Variants in ZNF827 observed in about 807,000 individuals in gnomAD.
The protein encoded by ZNF827 is zinc finger protein 827.
ZNF827 carries 13 observed loss-of-function variants against 102.4 expected under a neutral mutation model. The ratio of observed to expected loss-of-function variants is 0.13; its 90% CI spans 0.08 to 0.20. The LOEUF is 0.20. Among genes scored for constraint, ZNF827 ranks in the 10% least tolerant of loss-of-function variants. The pLI is 1.00. For synonymous variants in ZNF827, 523 were observed against 536.2 expected, an observed-to-expected ratio of 0.98 and a Z score of 0.34; for missense variants, 1,103 against 1,344.4, an observed-to-expected ratio of 0.82 and a Z score of 2.81.
intron 8 of ZNF827, among the ~76,000 whole-genome samples, chr4:145,804,738 G>T (rs1741239629): frequency 6.6e-6 from 1 of 152,088 alleles, no homozygotes; most frequent in Non-Finnish European, 1.5e-5. Context: ...AAGTAAGGGA[G>T]GCAAATAAAT....
intron 1 of ZNF827, among the ~76,000 whole-genome samples, chr4:145,908,698 A>T (rs1752058263): frequency 1.3e-5 from 2 of 152,246 alleles, no homozygotes; most frequent in Non-Finnish European, 2.9e-5. Flanking sequence ...TTCAACAAGC[A>T]TTTACTGATC....
In ZNF827 at chr4:145,849,556, T is replaced by C. The variant is rs1443617106; in HGVS notation, c.1987A>G (p.Ser663Gly). 6.2e-7 allele frequency: 1 copy of C among 1,613,954 alleles called. No individual in the cohort carries two copies. The highest frequency in any genetic ancestry group is 1.7e-5 in the Admixed American group (1 of 60,026). Residue 663 changes from serine (S) to glycine (G), a missense_variant, in exon 6 of 15, where the codon AGC becomes GGC. This residue lies in a region of ZNF827 where 243 missense variants were observed against 251.6 expected (regional missense o/e 0.97). Transcript: ENST00000508784. Reference protein sequence around the residue: ...SELLMKLSAESYKETQMVKIK... With the variant: ...SELLMKLSAEGYKETQMVKIK... ...TTCACCATCTGTGTTTCCTTGTAGC[T>C]TTCCGCTGCAAGTAGGTGAATGAAG...
intron 5 of ZNF827, among the ~76,000 whole-genome samples, chr4:145,858,583 A>G (rs1040231053): frequency 6.7e-6 from 1 of 150,322 alleles, no homozygotes; most frequent in Admixed American, 6.6e-5. Context: ...TTGTGGCTGT[A>G]GTGAGTTGTA....
intron 5 of ZNF827, among the ~76,000 whole-genome samples, chr4:145,855,109 C>T (rs998022990): frequency 3.9e-5 from 6 of 152,200 alleles, no homozygotes; most frequent in African/African-American, 1.4e-4. Context: ...CTCATACATG[C>T]TACAGATTAC....
At chr4:145,855,855 C>G (rs763141382) in intron 5 of ZNF827, among the ~76,000 whole-genome samples, 1 of 152,156 alleles carries the variant, frequency 6.6e-6, no homozygotes, top group African/African-American at 2.4e-5. Flanking sequence ...ATGGAGATAC[C>G]TTGTATCTCC....
intron 5 of ZNF827, among the ~76,000 whole-genome samples, chr4:145,856,223 T>C (rs1002555487): frequency 1.1e-4 from 16 of 152,160 alleles, no homozygotes; most frequent in Admixed American, 3.9e-4. Flanking sequence ...CTCAAACTCC[T>C]GACCTCACGT....
rs1009077145 is a variant in ZNF827, at chr4:145,759,113, C to T, written c.*2503G>A. ...ACAGCAACACAGTAAGAAAATGTTC[C>T]TCCTGTACACCAGTTCTCCAATAGA... On this transcript the variant is annotated 3_prime_UTR_variant, in exon 15 of 15. Coordinates refer to ENST00000508784, the MANE Select transcript of ZNF827 (RefSeq NM_001306215.2). 2 of 152,128 alleles carry T rather than the reference C, an allele frequency of 1.3e-5. No homozygotes were observed. Among genetic ancestry groups the T allele is most frequent in the Non-Finnish European group, 2.9e-5 (2 of 68,016 alleles). The allele number at this position is 152,128 out of a possible 1,614,324, so 9.4% of individuals were successfully genotyped here. A position where few individuals can be genotyped will look rare whatever the true frequency, so the allele number is the denominator to read the frequency against.
intron 8 of ZNF827, among the ~76,000 whole-genome samples, chr4:145,784,355 T>C (rs1738539727): frequency 6.6e-6 from 1 of 152,216 alleles, no homozygotes; most frequent in Non-Finnish European, 1.5e-5. Flanking sequence ...CACCGTTGGT[T>C]GGGTTTTCTA....
At position 145,861,376 on chromosome 4, in the gene ZNF827, T is replaced by C. The variant is rs79305134; in HGVS notation, c.1981+8869A>G. 6.7e-3 allele frequency among the ~76,000 whole-genome samples: 1,015 copies of C among 152,304 alleles called. 8 individuals carry two copies. Among genetic ancestry groups the C allele is most frequent in the African/African-American group, 0.023 (964 of 41,570 alleles). On this transcript the variant is annotated intron_variant, in intron 5 of 14. Transcript: ENST00000508784. ...AGAATGGTGCAAGGTACATACCTTC[T>C]ATCCATCAGGAAAACTTGTCCTATG... is the stretch of plus-strand genomic sequence containing the variant.
intron 11 of ZNF827, 72 bp downstream of exon 11, chr4:145,774,434 G>T: frequency 1.3e-6 from 2 of 1,522,228 alleles, no homozygotes; most frequent in Non-Finnish European, 1.8e-6. Context: ...GGGATGCTTC[G>T]GCCAGGTGGC....
At chr4:145,821,239 A>C (rs1743117054) in intron 8 of ZNF827, among the ~76,000 whole-genome samples, 1 of 152,232 alleles carries the variant, frequency 6.6e-6, no homozygotes, top group African/African-American at 2.4e-5. Context: ...ATTTATTCAA[A>C]AAAATTTTGG....
intron 1 of ZNF827, 79 bp downstream of exon 1, chr4:145,938,286 C>T: frequency 1.9e-6 from 3 of 1,550,576 alleles, no homozygotes; most frequent in South Asian, 1.1e-5. Flanking sequence ...CAGAAAACAA[C>T]GGAGGAGGCT....
At chr4:145,787,952 A>G (rs1284917483) in intron 8 of ZNF827, among the ~76,000 whole-genome samples, 2 of 152,186 alleles carry the variant, frequency 1.3e-5, no homozygotes, top group Admixed American at 1.3e-4. Flanking sequence ...AGGAATCTTA[A>G]CAATCATTTT....
intron 5 of ZNF827, among the ~76,000 whole-genome samples, chr4:145,866,947 A>G (rs1418192132): frequency 6.6e-6 from 1 of 152,236 alleles, no homozygotes; most frequent in Non-Finnish European, 1.5e-5. Flanking sequence ...GTGACCAGAC[A>G]TTGCAAAACC....
rs1035502985 is a variant in ZNF827 at position 145,761,755 on chromosome 4, C to T, written c.*18-157G>A. On this transcript the variant is annotated intron_variant, in intron 14 of 14. Transcript: ENST00000508784. The surrounding 1 kb of genome is among the most constrained non-coding windows in gnomAD (Gnocchi z 6.8). The stretch of plus-strand genomic sequence containing the variant: ...GCCCTGCCGCCTCTCAGGGGTGGAA[C>T]GGCCCTTTTTGGCTCTCCCTGCTGA... Among the ~76,000 whole-genome samples the T allele has an allele frequency of 6.6e-6, 1 of 152,202 alleles. No homozygotes were observed. The highest frequency in any genetic ancestry group is 1.5e-5 in the Non-Finnish European group (1 of 68,028).
intron 5 of ZNF827, among the ~76,000 whole-genome samples, chr4:145,852,155 A>G (rs1746598599): frequency 6.6e-6 from 1 of 152,342 alleles, no homozygotes; most frequent in Admixed American, 6.5e-5. Context: ...AAAGGGATTC[A>G]CTTCATTTAA....
At chr4:145,875,707 A>G (rs1007353586) in intron 4 of ZNF827, among the ~76,000 whole-genome samples, 1 of 152,128 alleles carries the variant, frequency 6.6e-6, no homozygotes, top group Admixed American at 6.5e-5. Flanking sequence ...ACGTATGGCA[A>G]TTTTATAAAT....
At chr4:145,839,287 T>C (rs1180469686) in intron 7 of ZNF827, 1 of 152,202 alleles carries the variant, frequency 6.6e-6, no homozygotes, top group East Asian at 1.9e-4. Flanking sequence ...CCAGGCCTTG[T>C]CGAGGGCCGC....
chr4:145,937,939 A>G (rs918373647), intron 1 of ZNF827, among the ~76,000 whole-genome samples: 19 of 141,594 alleles, frequency 1.3e-4, no homozygotes, highest in African/African-American at 4.7e-4. Flanking sequence ...CGGAATCCAC[A>G]AGGAATTTTT....
Sources: allele counts gnomAD v4.1 joint callset (sites outside exome capture counted in the v4.1 genomes callset), GRCh38; gene constraint gnomAD v4.1.1; regional missense constraint gnomAD v4.1.1; non-coding constraint Gnocchi (gnomAD v3.1); transcripts MANE v1.5; gene names NCBI Gene and HGNC (gene_info 2026-07-23, HGNC 2026-07-21).